The following TTC7A variants were observed in gnomAD, a reference collection of about 807,000 sequenced individuals.
TTC7A encodes the protein tetratricopeptide repeat protein 7A.
In TTC7A, 110 loss-of-function variants were observed where a neutral mutation model predicts 103.7. The observed-to-expected ratio is 1.06, with a 90% CI of 0.91 to 1.24. The LOEUF is 1.24. TTC7A is among the 50% of genes most tolerant of loss of function. The probability of loss-of-function intolerance (pLI) is 0.00; values close to 1 mark genes in which losing one functional copy is unlikely to be tolerated. For synonymous variants in TTC7A, 521 were observed against 467.9 expected (o/e 1.11, Z -1.47); for missense variants, 1,340 against 1,116.3 (o/e 1.20, Z -2.86).
At chr2:46,977,185 G>C (rs1404344067) in intron 4 of TTC7A, among the ~76,000 whole-genome samples, 3 of 152,228 alleles carry the variant, frequency 2.0e-5, no homozygotes, top group African/African-American at 4.8e-5. Context: ...ATGATGTCCA[G>C]GGCTGGAATC....
At chr2:46,952,787 C>T (rs1191747519) in intron 2 of TTC7A, among the ~76,000 whole-genome samples, 1 of 152,176 alleles carries the variant, frequency 6.6e-6, no homozygotes, top group East Asian at 1.9e-4. Context: ...TCCAACCTCA[C>T]CCTCATGCCC....
At chr2:46,987,821 T>C (rs1209161279) in intron 5 of TTC7A, among the ~76,000 whole-genome samples, 6 of 149,732 alleles carry the variant, frequency 4.0e-5, no homozygotes, top group Middle Eastern at 6.8e-3. Context: ...TGTGTGTGTG[T>C]GTGTGTGTGT....
chr2:46,973,210 T>C (rs1673527963), intron 3 of TTC7A, among the ~76,000 whole-genome samples: 1 of 152,102 alleles, frequency 6.6e-6, no homozygotes, highest in South Asian at 2.1e-4. Context: ...TTAAGGGTTG[T>C]GGAACAGCAA....
In TTC7A at chr2:46,953,950, A is replaced by G. The variant is rs553282912; in HGVS notation, c.349-2889A>G. Among the ~76,000 whole-genome samples, 5 of 151,934 alleles carry G rather than the reference A, an allele frequency of 3.3e-5. 1 individual carries two copies. Among genetic ancestry groups the G allele is most frequent in the African/African-American group, 1.2e-4 (5 of 41,438 alleles). On this transcript the variant is annotated intron_variant, in intron 2 of 19. Coordinates refer to ENST00000319190, the MANE Select transcript of TTC7A (RefSeq NM_020458.4). ...AGTGCTGGGATTACAGGTGTGAGCC[A>G]CTGTGCCCTGCCAAGCTCCATCTCT...
intron 18 of TTC7A, among the ~76,000 whole-genome samples, chr2:47,056,901 TC>T (rs1432853058): frequency 8.1e-6 from 1 of 124,096 alleles, no homozygotes; most frequent in Non-Finnish European, 1.6e-5. Flanking sequence ...TGCCCAAATC[TC>T]TGACCCCTCC....
chr2:46,918,973 TAC>T (rs2103794427), intron 2 of TTC7A, among the ~76,000 whole-genome samples: 1 of 152,296 alleles, frequency 6.6e-6, no homozygotes, highest in South Asian at 2.1e-4. Context: ...TTGAAACTAG[TAC>T]AAGTAGAGAC....
chr2:46,946,282 C>T (rs1558495165), intron 1 of TTC7A, among the ~76,000 whole-genome samples: 1 of 152,106 alleles, frequency 6.6e-6, no homozygotes, highest in Non-Finnish European at 1.5e-5. Context: ...TTAAATGCCC[C>T]TGGGTAGAGA....
At chr2:46,992,725 T>C (rs538826626) in intron 5 of TTC7A, among the ~76,000 whole-genome samples, 3 of 152,322 alleles carry the variant, frequency 2.0e-5, no homozygotes, top group African/African-American at 7.2e-5. Flanking sequence ...TTAGTGGGAA[T>C]GCAAGATCTA....
At chr2:46,979,768 G>A (rs1051841072) in intron 5 of TTC7A, among the ~76,000 whole-genome samples, 2 of 152,230 alleles carry the variant, frequency 1.3e-5, no homozygotes, top group Non-Finnish European at 2.9e-5. Context: ...GGACTCCCAG[G>A]CGGGAGCTGA....
At chr2:46,997,397 C>G (rs530675407) in intron 8 of TTC7A, among the ~76,000 whole-genome samples, 9 of 152,088 alleles carry the variant, frequency 5.9e-5, no homozygotes, top group Admixed American at 2.0e-4. Flanking sequence ...AGGGAGGTTC[C>G]AAGCTGATTA....
chr2:46,930,618 G>A (rs1434433941), intron 2 of TTC7A, among the ~76,000 whole-genome samples: 1 of 151,254 alleles, frequency 6.6e-6, no homozygotes, highest in Non-Finnish European at 1.5e-5. Flanking sequence ...TCCTGCCTCA[G>A]CCTCCCAAGT....
intron 18 of TTC7A, among the ~76,000 whole-genome samples, chr2:47,054,582 G>A (rs750424717): frequency 6.4e-4 from 98 of 152,040 alleles, no homozygotes; most frequent in Non-Finnish European, 1.1e-3. Flanking sequence ...CCCGTAATCC[G>A]AGCACTTTGG....
In TTC7A at chr2:47,060,970, T is replaced by A; in HGVS notation, c.2354T>A (p.Leu785Gln). 1 of 1,605,814 alleles carries A rather than the reference T, an allele frequency of 6.2e-7. No individual in the cohort carries two copies. The highest frequency in any genetic ancestry group is 1.1e-5 in the South Asian group (1 of 90,424). Residue 785 changes from leucine to glutamine, a missense_variant and splice_region_variant, in exon 19 of 20, where the codon CTG (leucine) becomes CAG (glutamine). Transcript: ENST00000319190. Reference sequence around the variant, plus strand: ...GATGGCGTGCGCATCATGCATAGCCTGGTGAGTCAGAGCCCCCCGCGCTCC... The same window carrying A: ...GATGGCGTGCGCATCATGCATAGCCAGGTGAGTCAGAGCCCCCCGCGCTCC... ...NPDGVRIMHS[L>Q]GLMLSRLGHK...
At position 46,941,491 on chromosome 2, in the gene TTC7A, G is replaced by C; in HGVS notation, c.-51G>C. 4 of 1,524,818 alleles carry C rather than the reference G, an allele frequency of 2.6e-6. No homozygotes were observed. The highest frequency in any genetic ancestry group is 3.5e-6 in the Non-Finnish European group (4 of 1,134,646). The allele number at this position is 1,524,818 out of a possible 1,614,324, so 94.5% of individuals were successfully genotyped here. ...CGCCCCAGCCAGGACGCCGCCCCCG[G>C]CCGGGTCTCCACTTCTTGGCCGCAC... is the stretch of plus-strand genomic sequence containing the variant. On this transcript the variant is annotated 5_prime_UTR_variant, in exon 1 of 20. Coordinates refer to ENST00000319190, the MANE Select transcript of TTC7A (RefSeq NM_020458.4). This position sits in a 1 kb window ranked among gnomAD's most constrained non-coding sequence, Gnocchi z 4.2.
intron 15 of TTC7A, among the ~76,000 whole-genome samples, chr2:47,041,084 A>T (rs539063008): frequency 1.3e-5 from 2 of 151,258 alleles, no homozygotes; most frequent in African/African-American, 4.9e-5. Context: ...GAGGCCCTCC[A>T]CCCCCACCCC....
rs1350714929 is a variant in TTC7A at position 46,975,030 on chromosome 2, G to C, written c.575G>C (p.Arg192Thr). 2.5e-6 allele frequency: 4 copies of C among 1,613,970 alleles called. No individual in the cohort carries two copies. The highest frequency in any genetic ancestry group is 3.4e-6 in the Non-Finnish European group (4 of 1,179,986). ...SIASRFRLTE[R>T]EEEVITCFER... Reference sequence around the variant, plus strand: ...GCCTCCCGCTTCCGCCTGACAGAGAGGGAGGAGGAAGTGATCACCTGTTTT... The same window carrying C: ...GCCTCCCGCTTCCGCCTGACAGAGACGGAGGAGGAAGTGATCACCTGTTTT... The change falls in exon 4 of 20, where the codon AGG becomes ACG. Residue 192 changes from arginine to threonine, a missense_variant. Physicochemically the swap from Arg to Thr is moderately conservative, Grantham distance 71 (BLOSUM62 -1). Transcript: ENST00000319190.
chr2:46,927,612 G>A (rs1306824775), intron 2 of TTC7A, among the ~76,000 whole-genome samples: 12 of 151,764 alleles, frequency 7.9e-5, no homozygotes, highest in East Asian at 1.9e-4. Context: ...TGCTCTCCTC[G>A]GCCTCCCAAA....
At chr2:46,997,835 A>G (rs1676370618) in intron 8 of TTC7A, among the ~76,000 whole-genome samples, 1 of 152,100 alleles carries the variant, frequency 6.6e-6, no homozygotes, top group Non-Finnish European at 1.5e-5. Flanking sequence ...CATTTTCTGT[A>G]GCCTCTGCTT....
intron 5 of TTC7A, among the ~76,000 whole-genome samples, chr2:46,986,502 C>T (rs1675024189): frequency 6.6e-6 from 1 of 151,416 alleles, no homozygotes; most frequent in Non-Finnish European, 1.5e-5. Flanking sequence ...TCAGGCAGTG[C>T]TCTGTGCTGG....
Sources: gnomAD v4.1 joint callset for allele counts (sites outside exome capture counted in the v4.1 genomes callset) on GRCh38, gnomAD v4.1.1 for gene constraint, Gnocchi (gnomAD v3.1) non-coding constraint, MANE v1.5 for transcripts, NCBI Gene and HGNC (gene_info 2026-07-23, HGNC 2026-07-21) for gene names.